PDZD2: variants seen among roughly 807,000 people sequenced by gnomAD.
The protein encoded by PDZD2 is PDZ domain containing 2, also known as PDZ domain-containing protein 2.
PDZD2 carries 90 observed loss-of-function variants against 220.7 expected under a neutral mutation model. That is an observed-to-expected ratio of 0.41 (90% CI 0.34 to 0.49). The LOEUF (loss-of-function observed/expected upper bound fraction) is 0.49. Ranked by LOEUF, PDZD2 falls within the 20% of genes least tolerant of loss-of-function variation. PDZD2 has a pLI of 0.28. For synonymous variants in PDZD2, 1,375 were observed against 1,450.5 expected, an observed-to-expected ratio of 0.95 and a Z score of 1.18; for missense variants, 3,174 against 3,608.5, an observed-to-expected ratio of 0.88 and a Z score of 3.08.
chr5:32,092,087 A>C (rs1440626958), intron 20 of PDZD2, among the ~76,000 whole-genome samples: 2 of 152,190 alleles, frequency 1.3e-5, no homozygotes, highest in African/African-American at 2.4e-5. Flanking sequence ...CAGCCTGGCC[A>C]ACATGGTGAA....
chr5:31,669,504 G>A (rs546340752), intron 1 of PDZD2, among the ~76,000 whole-genome samples: 20 of 151,942 alleles, frequency 1.3e-4, no homozygotes, highest in South Asian at 8.3e-4. Flanking sequence ...CTCATCTCCC[G>A]TGTGGATTGG....
chr5:31,788,213 A>C (rs981248288), intron 1 of PDZD2, among the ~76,000 whole-genome samples: 1 of 151,880 alleles, frequency 6.6e-6, no homozygotes, highest in Non-Finnish European at 1.5e-5. Flanking sequence ...TCTACTAAAA[A>C]TACAAAAATT....
Position 32,074,651 on chromosome 5 carries a change from A to G in PDZD2, c.3537+8A>G. 1 of 1,574,768 alleles carries G rather than the reference A, an allele frequency of 6.4e-7. No homozygotes were observed. Among genetic ancestry groups the G allele is most frequent in the Non-Finnish European group, 8.6e-7 (1 of 1,157,880 alleles). ...GGTGGAGCTGTGGAGAAGGTAACTG[A>G]CTTTCTCTTAGTTACTTGGAATGGA... On this transcript the variant is annotated splice_region_variant and intron_variant, in intron 18 of 24. Coordinates refer to ENST00000438447, the MANE Select transcript of PDZD2 (RefSeq NM_178140.4).
rs1225032535 is a variant in PDZD2, at chr5:32,110,110, A to AAGACT, written c.*1977_*1981dup. The AAGACT allele has an allele frequency of 2.0e-5, 3 of 152,656 alleles. No individual in the cohort carries two copies. The highest frequency in any genetic ancestry group is 7.2e-5 in the African/African-American group (3 of 41,450). The allele number at this position is 152,656 out of a possible 1,614,324, so 9.5% of individuals were successfully genotyped here. A position where few individuals can be genotyped will look rare whatever the true frequency, so the allele number is the denominator to read the frequency against. On this transcript the variant is annotated 3_prime_UTR_variant, in exon 25 of 25. Coordinates refer to ENST00000438447, the MANE Select transcript of PDZD2 (RefSeq NM_178140.4). ...GGTTTCTGCTTTCTTGCCTAAATCA[A>AAGACT]AGACTATTTCAAGTCAACAACACTG...
At chr5:31,753,575 T>G (rs1751137397) in intron 1 of PDZD2, among the ~76,000 whole-genome samples, 1 of 151,854 alleles carries the variant, frequency 6.6e-6, no homozygotes, top group Non-Finnish European at 1.5e-5. Flanking sequence ...CATTCCAGCC[T>G]GGGCAACAGA....
At position 32,058,118 on chromosome 5, in the gene PDZD2, T is replaced by A. The variant is rs1739280098; in HGVS notation, c.2200+15T>A. On this transcript the variant is annotated intron_variant, in intron 12 of 24. Coordinates refer to ENST00000438447, the MANE Select transcript of PDZD2 (RefSeq NM_178140.4). ...ACTCAACAAAGGTGATAGCAGCTAT[T>A]CCTTACCTTTGTCTCATTTCTTGAA... is the stretch of plus-strand genomic sequence containing the variant. The A allele has an allele frequency of 3.2e-6, 4 of 1,238,612 alleles. No homozygotes were observed. In the Admixed American group the frequency reaches 6.8e-5, roughly 21 times the overall value. The allele number at this position is 1,238,612 out of a possible 1,614,324, so 76.7% of individuals were successfully genotyped here.
chr5:31,931,109 G>T (rs893166187), intron 2 of PDZD2, among the ~76,000 whole-genome samples: 18 of 152,152 alleles, frequency 1.2e-4, no homozygotes, highest in African/African-American at 4.1e-4. Context: ...TGCAACCTCT[G>T]CCTCCTGGGT....
chr5:31,811,308 G>A (rs990111901), intron 2 of PDZD2, among the ~76,000 whole-genome samples: 1 of 152,160 alleles, frequency 6.6e-6, no homozygotes, highest in Non-Finnish European at 1.5e-5. Context: ...GAATAACAAT[G>A]TTGAATTATA....
intron 2 of PDZD2, among the ~76,000 whole-genome samples, chr5:31,894,332 CT>C (rs1457723871): frequency 6.6e-6 from 1 of 152,058 alleles, no homozygotes; most frequent in Non-Finnish European, 1.5e-5. Flanking sequence ...GCAGCTGCAG[CT>C]GCATCTGGTG....
intron 1 of PDZD2, among the ~76,000 whole-genome samples, chr5:31,663,146 C>T (rs552473191): frequency 6.6e-6 from 1 of 152,300 alleles, no homozygotes; most frequent in Non-Finnish European, 1.5e-5. Flanking sequence ...CTAAATTAAG[C>T]TACCCATAAA....
chr5:31,810,981 T>G (rs1755076743), intron 2 of PDZD2, among the ~76,000 whole-genome samples: 1 of 152,176 alleles, frequency 6.6e-6, no homozygotes, highest in South Asian at 2.1e-4. Flanking sequence ...CTAGTGGCCT[T>G]TTCATTTTTT....
chr5:31,842,222 A>G (rs746728106), intron 2 of PDZD2, among the ~76,000 whole-genome samples: 40 of 152,238 alleles, frequency 2.6e-4, no homozygotes, highest in Admixed American at 6.5e-5. Context: ...GAACTCTTCA[A>G]GTTAGAATCC....
At chr5:32,093,852 C>T (rs1336129126) in intron 21 of PDZD2, among the ~76,000 whole-genome samples, 1 of 152,020 alleles carries the variant, frequency 6.6e-6, no homozygotes, top group African/African-American at 2.4e-5. Flanking sequence ...GTGGTGGGTG[C>T]CTGTAGTCTC....
In PDZD2 at chr5:31,985,472, A is replaced by G. The variant is rs142774271; in HGVS notation, c.978+1816A>G. ...CACTGTGGGAGGCCCAGGCAAGTAG[A>G]TAACTTAATGCCAGGAGTTCAAGAC... On this transcript the variant is annotated intron_variant, in intron 3 of 24. Transcript: ENST00000438447. 4.6e-5 allele frequency among the ~76,000 whole-genome samples: 7 copies of G among 152,252 alleles called. No homozygotes were observed. The East Asian group carries it at 1.2e-3, about 25-fold the overall frequency.
At chr5:31,886,550 T>C (rs1048719802) in intron 2 of PDZD2, among the ~76,000 whole-genome samples, 1 of 151,948 alleles carries the variant, frequency 6.6e-6, no homozygotes, top group Non-Finnish European at 1.5e-5. Context: ...AACTCCCTGA[T>C]GGAAACTGCT....
chr5:32,005,439 A>G (rs1000616137), intron 5 of PDZD2, among the ~76,000 whole-genome samples: 2 of 148,604 alleles, frequency 1.3e-5, no homozygotes, highest in Non-Finnish European at 3.0e-5. Context: ...ATATCAGTAC[A>G]GATCTCTTGC....
intron 1 of PDZD2, among the ~76,000 whole-genome samples, chr5:31,680,696 C>A (rs562337871): frequency 1.2e-4 from 18 of 152,126 alleles, no homozygotes; most frequent in Non-Finnish European, 2.2e-4. Context: ...GACCTGCCAG[C>A]CTTCTCGTCA....
At chr5:31,966,195 G>C (rs1011201518) in intron 2 of PDZD2, among the ~76,000 whole-genome samples, 2 of 152,174 alleles carry the variant, frequency 1.3e-5, no homozygotes, top group East Asian at 1.9e-4. Flanking sequence ...TTAAAAGACA[G>C]ATTATGAATT....
intron 1 of PDZD2, among the ~76,000 whole-genome samples, chr5:31,671,818 CTG>C (rs1380643158): frequency 1.2e-4 from 19 of 152,234 alleles, no homozygotes; most frequent in Admixed American, 5.2e-4. Flanking sequence ...GGCTCTGAGT[CTG>C]TAGTTATGCG....
Sources: allele counts gnomAD v4.1 joint callset (sites outside exome capture counted in the v4.1 genomes callset), GRCh38; gene constraint gnomAD v4.1.1; transcripts MANE v1.5; gene names NCBI Gene and HGNC (gene_info 2026-07-23, HGNC 2026-07-21).